Variants in TSPAN18 observed in about 807,000 individuals in gnomAD.
The protein encoded by TSPAN18 is tetraspanin 18.
In TSPAN18, 14 loss-of-function variants were observed where a neutral mutation model predicts 27.3. The observed-to-expected ratio is 0.51, with a 90% CI of 0.34 to 0.80. TSPAN18 has a LOEUF of 0.80. Among genes scored for constraint, TSPAN18 ranks in the 30% least tolerant of loss-of-function variants. The pLI, the probability that TSPAN18 is intolerant of heterozygous loss-of-function variation, is 0.01. For synonymous variants in TSPAN18, 143 were observed against 136.5 expected (o/e 1.05, Z -0.33); for missense variants, 268 against 323.9 (o/e 0.83, Z 1.32).
chr11:44,918,454 A>G lies in TSPAN18; in HGVS notation c.333+408A>G, dbSNP rs112813094. 2.3e-3 allele frequency among the ~76,000 whole-genome samples: 346 copies of G among 152,162 alleles called. 1 individual carries two copies. The highest frequency in any genetic ancestry group is 7.8e-3 in the African/African-American group (322 of 41,526). On this transcript the variant is annotated intron_variant, in intron 6 of 9. Coordinates refer to ENST00000520358, the MANE Select transcript of TSPAN18 (RefSeq NM_130783.5). ...GGGTACCTTGGCCCCACAAGCCACC[A>G]AGTTCCAGAGGCCACAGGCAGCTGG... is the stretch of plus-strand genomic sequence containing the variant.
In TSPAN18 at chr11:44,909,729, A is replaced by T. The variant is rs141764047; in HGVS notation, c.88A>T (p.Ile30Phe). 1.1e-4 allele frequency: 182 copies of T among 1,612,188 alleles called. 1 individual carries two copies. The highest frequency in any genetic ancestry group is 1.0e-3 in the African/African-American group (76 of 75,014). The change falls in exon 5 of 10, where the codon ATC (isoleucine) becomes TTC (phenylalanine). Residue 30 changes from isoleucine to phenylalanine, a missense_variant. By Grantham distance (21) the Ile-to-Phe change is conservative (BLOSUM62 0). Coordinates refer to ENST00000520358, the MANE Select transcript of TSPAN18 (RefSeq NM_130783.5). ...IFLGGACLLA[I>F]GIWVMVDPTG... ...GCTGGGCGGGGCCTGCCTGCTGGCC[A>T]TCGGCATCTGGGTCATGGTGGACCC...
At chr11:44,763,408 A>C (rs1437026911) in intron 1 of TSPAN18, among the ~76,000 whole-genome samples, 1 of 152,130 alleles carries the variant, frequency 6.6e-6, no homozygotes, top group Non-Finnish European at 1.5e-5. Flanking sequence ...ATGCTTCATC[A>C]AACTGACAGA....
chr11:44,801,629 A>G (rs1856482010), intron 2 of TSPAN18, among the ~76,000 whole-genome samples: 1 of 152,218 alleles, frequency 6.6e-6, no homozygotes, highest in Admixed American at 6.5e-5. Flanking sequence ...AGCTCCAAAG[A>G]CAGAAGGAAA....
At chr11:44,895,438 G>A (rs926847931) in intron 3 of TSPAN18, among the ~76,000 whole-genome samples, 3 of 152,230 alleles carry the variant, frequency 2.0e-5, no homozygotes, top group African/African-American at 7.2e-5. Context: ...TCTCCAGGGA[G>A]CTGGCCAAGG....
chr11:44,779,622 T>C (rs2134945428), intron 2 of TSPAN18, among the ~76,000 whole-genome samples: 1 of 152,268 alleles, frequency 6.6e-6, no homozygotes, highest in Admixed American at 6.5e-5. Context: ...CTGCATGCTA[T>C]GCCTTAATGC....
At chr11:44,850,025 A>G (rs1057124826) in intron 2 of TSPAN18, among the ~76,000 whole-genome samples, 2 of 152,114 alleles carry the variant, frequency 1.3e-5, no homozygotes, top group African/African-American at 4.8e-5. Context: ...CCTTCCCTTA[A>G]GGGTGAGAGA....
intron 2 of TSPAN18, among the ~76,000 whole-genome samples, chr11:44,808,851 T>C (rs1856657496): frequency 6.6e-6 from 1 of 152,188 alleles, no homozygotes; most frequent in Non-Finnish European, 1.5e-5. Context: ...ATGGACTCTT[T>C]GCTTGAAAAC....
intron 2 of TSPAN18, among the ~76,000 whole-genome samples, chr11:44,825,111 G>A (rs577901493): frequency 1.6e-5 from 2 of 128,984 alleles, no homozygotes; most frequent in South Asian, 2.8e-4. Flanking sequence ...CCACCACCCC[G>A]AACTCGGGGA....
chr11:44,843,814 C>A (rs1857425777), intron 2 of TSPAN18, among the ~76,000 whole-genome samples: 1 of 152,234 alleles, frequency 6.6e-6, no homozygotes, highest in African/African-American at 2.4e-5. Context: ...AGCTCACCAG[C>A]AGTCAGAGTT....
intron 2 of TSPAN18, among the ~76,000 whole-genome samples, chr11:44,853,889 A>G (rs1857664640): frequency 6.6e-6 from 1 of 152,144 alleles, no homozygotes; most frequent in African/African-American, 2.4e-5. Context: ...AGCCCAGAAG[A>G]TTAATGAGAG....
At chr11:44,917,006 C>T (rs1360267537) in intron 5 of TSPAN18, among the ~76,000 whole-genome samples, 3 of 152,216 alleles carry the variant, frequency 2.0e-5, no homozygotes, top group African/African-American at 7.2e-5. Flanking sequence ...GATCACAGGG[C>T]CTTCATGGCG....
chr11:44,853,873 G>A (rs1347933379), intron 2 of TSPAN18, among the ~76,000 whole-genome samples: 1 of 152,158 alleles, frequency 6.6e-6, no homozygotes, highest in Admixed American at 6.5e-5. Context: ...GTGTGGTGGG[G>A]ACATCAGCCC....
intron 2 of TSPAN18, among the ~76,000 whole-genome samples, chr11:44,851,421 G>A (rs140670660): frequency 4.6e-5 from 7 of 152,260 alleles, no homozygotes; most frequent in Non-Finnish European, 8.8e-5. Flanking sequence ...ATACAAATCC[G>A]TGGAGACAGA....
intron 2 of TSPAN18, among the ~76,000 whole-genome samples, chr11:44,795,046 C>T (rs1856316754): frequency 6.6e-6 from 1 of 152,118 alleles, no homozygotes; most frequent in Non-Finnish European, 1.5e-5. Flanking sequence ...ACCTCAAAGA[C>T]CTGCTGCCAT....
chr11:44,843,668 G>A (rs533803884), intron 2 of TSPAN18, among the ~76,000 whole-genome samples: 97 of 152,004 alleles, frequency 6.4e-4, no homozygotes, highest in Non-Finnish European at 1.1e-3. Flanking sequence ...GGTACACGCC[G>A]GGGGGGCCAG....
chr11:44,769,918 G>A (rs538166080), intron 2 of TSPAN18, among the ~76,000 whole-genome samples: 6 of 152,244 alleles, frequency 3.9e-5, no homozygotes, highest in African/African-American at 1.4e-4. Context: ...TGTTTTAATC[G>A]TGGCTCTATC....
chr11:44,744,149 G>A (rs1855015913), intron 1 of TSPAN18, among the ~76,000 whole-genome samples: 1 of 152,082 alleles, frequency 6.6e-6, no homozygotes, highest in Non-Finnish European at 1.5e-5. Context: ...CTGGGCTGCT[G>A]CTGGAAACAC....
At chr11:44,795,852 T>C (rs1231292336) in intron 2 of TSPAN18, among the ~76,000 whole-genome samples, 2 of 152,114 alleles carry the variant, frequency 1.3e-5, no homozygotes, top group Non-Finnish European at 2.9e-5. Context: ...CCAAGGACCT[T>C]TGGAGGCTTT....
At chr11:44,885,053 T>C (rs1304717044) in intron 3 of TSPAN18, among the ~76,000 whole-genome samples, 1 of 152,214 alleles carries the variant, frequency 6.6e-6, no homozygotes, top group Non-Finnish European at 1.5e-5. Context: ...ATGGCTGTTT[T>C]CTCAACCCAA....
Sources: allele counts gnomAD v4.1 joint callset (sites outside exome capture counted in the v4.1 genomes callset), GRCh38; gene constraint gnomAD v4.1.1; transcripts MANE v1.5; gene names NCBI Gene and HGNC (gene_info 2026-07-23, HGNC 2026-07-21).